Variants in FARS2 observed in about 807,000 individuals in gnomAD.
The protein encoded by FARS2 is phenylalanine--tRNA ligase, mitochondrial.
In FARS2, 40 loss-of-function variants were observed where a neutral mutation model predicts 46.4. The observed-to-expected ratio is 0.86, with a 90% CI of 0.67 to 1.12. FARS2 has a LOEUF of 1.12. Ranked by LOEUF, FARS2 falls within the 50% of genes most tolerant of loss-of-function variation. The probability of loss-of-function intolerance (pLI) is 0.00; values close to 1 mark genes in which losing one functional copy is unlikely to be tolerated. For missense variants in FARS2, 513 were observed against 567.9 expected, an observed-to-expected ratio of 0.90 and a Z score of 0.98; for synonymous variants, 234 against 214.9, an observed-to-expected ratio of 1.09 and a Z score of -0.78.
chr6:5,522,890 A>G (rs1769230399), intron 4 of FARS2, among the ~76,000 whole-genome samples: 1 of 152,246 alleles, frequency 6.6e-6, no homozygotes, highest in East Asian at 1.9e-4. Context: ...TAAAGTATTT[A>G]CATATTTCAA....
intron 6 of FARS2, among the ~76,000 whole-genome samples, chr6:5,716,481 T>A (rs1759498901): frequency 6.6e-6 from 1 of 152,200 alleles, no homozygotes; most frequent in African/African-American, 2.4e-5. Context: ...CACAGAGGAC[T>A]TCTGTGGCCA....
intron 6 of FARS2, among the ~76,000 whole-genome samples, chr6:5,758,891 A>G (rs1452025356): frequency 6.6e-6 from 1 of 152,130 alleles, no homozygotes; most frequent in African/African-American, 2.4e-5. Flanking sequence ...CCCTTCAGCT[A>G]GAGCAGCTTT....
chr6:5,533,477 C>G (rs1326395575), intron 4 of FARS2, among the ~76,000 whole-genome samples: 1 of 152,262 alleles, frequency 6.6e-6, no homozygotes, highest in East Asian at 1.9e-4. Context: ...CCATACTATT[C>G]TGTTGTTTCT....
intron 6 of FARS2, among the ~76,000 whole-genome samples, chr6:5,625,735 A>G (rs1775998573): frequency 6.6e-6 from 1 of 152,188 alleles, no homozygotes; most frequent in Non-Finnish European, 1.5e-5. Flanking sequence ...TTACAGAGGA[A>G]TGTGGAGGCC....
intron 2 of FARS2, among the ~76,000 whole-genome samples, chr6:5,382,743 C>G (rs953660234): frequency 2.6e-5 from 4 of 152,056 alleles, no homozygotes; most frequent in Admixed American, 6.6e-5. Flanking sequence ...TCAGGGTTCT[C>G]CAGAGCAACC....
intron 6 of FARS2, among the ~76,000 whole-genome samples, chr6:5,669,222 T>C (rs2150802715): frequency 6.6e-6 from 1 of 152,326 alleles, no homozygotes; most frequent in Non-Finnish European, 1.5e-5. Context: ...CGTGTTATCC[T>C]GGCCTCCTAT....
intron 5 of FARS2, among the ~76,000 whole-genome samples, chr6:5,602,645 C>CAAAAA (rs55712653): frequency 8.9e-4 from 64 of 72,156 alleles, no homozygotes; most frequent in East Asian, 7.5e-3. Context: ...GACTCCGTCT[C>CAAAAA]AAAAAAAAAA....
At chr6:5,586,944 G>A (rs1773643910) in intron 5 of FARS2, among the ~76,000 whole-genome samples, 1 of 152,110 alleles carries the variant, frequency 6.6e-6, no homozygotes, top group Non-Finnish European at 1.5e-5. Context: ...CAAGGTTGAG[G>A]AATGGGATTA....
intron 1 of FARS2, among the ~76,000 whole-genome samples, chr6:5,295,397 G>A (rs912682375): frequency 1.3e-5 from 2 of 151,012 alleles, no homozygotes; most frequent in African/African-American, 4.9e-5. Context: ...TTTTTTTTTT[G>A]AGTCTTAGGT....
At chr6:5,432,046 G>C (rs1002157046) in intron 4 of FARS2, among the ~76,000 whole-genome samples, 1 of 150,126 alleles carries the variant, frequency 6.7e-6, no homozygotes, top group African/African-American at 2.4e-5. Flanking sequence ...TTACAGGCTC[G>C]TGCACTTTAG....
chr6:5,545,309 T>C lies in FARS2; in HGVS notation c.1034T>C (p.Val345Ala). Residue 345 changes from valine to alanine, a missense_variant, in exon 5 of 7, where the codon GTA becomes GCA. Physicochemically the swap from Val to Ala is moderately conservative, Grantham distance 64 (BLOSUM62 0). Transcript: ENST00000274680. ...EDERFLKQFCVSNINQKVKFQ... is the reference protein window; with the variant it reads ...EDERFLKQFCASNINQKVKFQ... ...GAGCGCTTCCTGAAGCAGTTCTGTGTATCCAACATTAATCAGAAGGTGAAG... is the reference window on the plus strand; with the variant it reads ...GAGCGCTTCCTGAAGCAGTTCTGTGCATCCAACATTAATCAGAAGGTGAAG... 1 of 1,614,014 alleles carries C rather than the reference T, an allele frequency of 6.2e-7. No individual in the cohort carries two copies. Among genetic ancestry groups the C allele is most frequent in the Non-Finnish European group, 8.5e-7 (1 of 1,179,918 alleles).
Position 5,404,632 on chromosome 6 carries a change from G to T in FARS2, c.703G>T (p.Ala235Ser). The T allele has an allele frequency of 6.2e-7, 1 of 1,613,060 alleles. No homozygotes were observed. Among genetic ancestry groups the T allele is most frequent in the Non-Finnish European group, 8.5e-7 (1 of 1,179,366 alleles). ...TAAACAAGAGACACACACCATGGAG[G>T]CCGTGAAGCTTGTAGAGTTTGATCT... ...AHKQETHTMEAVKLVEFDLKQ... is the reference protein window; with the variant it reads ...AHKQETHTMESVKLVEFDLKQ... Residue 235 changes from alanine (A) to serine (S), a missense_variant, in exon 3 of 7, where the codon GCC becomes TCC. Physicochemically the swap from Ala to Ser is moderately conservative, Grantham distance 99. Coordinates refer to ENST00000274680, the MANE Select transcript of FARS2 (RefSeq NM_006567.5).
chr6:5,273,497 A>G (rs1314787808), intron 1 of FARS2, among the ~76,000 whole-genome samples: 2 of 138,084 alleles, frequency 1.4e-5, no homozygotes, highest in Non-Finnish European at 3.1e-5. Context: ...CTTTGGCCCA[A>G]TTTTTAATCA....
intron 4 of FARS2, among the ~76,000 whole-genome samples, chr6:5,460,776 G>C (rs68099711): frequency 0.057 from 8,699 of 152,204 alleles, 303 homozygotes; most frequent in African/African-American, 0.1. Context: ...CAGAATGATG[G>C]CCTCCACCTT....
At chr6:5,682,742 A>T (rs1779097602) in intron 6 of FARS2, among the ~76,000 whole-genome samples, 1 of 152,248 alleles carries the variant, frequency 6.6e-6, no homozygotes, top group Admixed American at 6.5e-5. Context: ...TGGAGCTTCC[A>T]GGCATTGCGA....
At chr6:5,413,838 T>C (rs1481111428) in intron 3 of FARS2, among the ~76,000 whole-genome samples, 1 of 152,208 alleles carries the variant, frequency 6.6e-6, no homozygotes, top group Non-Finnish European at 1.5e-5. Context: ...TTTTCTGTTA[T>C]TCCACACCAT....
At chr6:5,593,296 G>C (rs1372576280) in intron 5 of FARS2, among the ~76,000 whole-genome samples, 3 of 146,270 alleles carry the variant, frequency 2.1e-5, no homozygotes, top group African/African-American at 8.3e-5. Context: ...TGCACCTCCC[G>C]CCCCCACCGG....
chr6:5,355,990 G>A (rs1489468171), intron 1 of FARS2, among the ~76,000 whole-genome samples: 1 of 152,170 alleles, frequency 6.6e-6, no homozygotes, highest in Admixed American at 6.5e-5. Context: ...ACAACAGGGG[G>A]AATAAATCTG....
chr6:5,353,101 T>C (rs1054461839), intron 1 of FARS2, among the ~76,000 whole-genome samples: 13 of 152,302 alleles, frequency 8.5e-5, no homozygotes, highest in African/African-American at 3.1e-4. Context: ...ACTATTCTAC[T>C]CTTTGCTTCT....
Sources: allele counts gnomAD v4.1 joint callset (sites outside exome capture counted in the v4.1 genomes callset), GRCh38; gene constraint gnomAD v4.1.1; transcripts MANE v1.5; gene names NCBI Gene and HGNC (gene_info 2026-07-23, HGNC 2026-07-21).